Variants in CDC42BPA observed in about 807,000 individuals in gnomAD.
The protein encoded by CDC42BPA is CDC42 binding protein kinase alpha.
In CDC42BPA, 80 loss-of-function variants were observed where a neutral mutation model predicts 223.5. The observed-to-expected ratio is 0.36, with a 90% CI of 0.30 to 0.43. CDC42BPA has a LOEUF of 0.43. CDC42BPA is among the 20% of genes least tolerant of loss of function. The pLI is 1.00. For synonymous variants in CDC42BPA, 694 were observed against 718.6 expected, an observed-to-expected ratio of 0.97 and a Z score of 0.55; for missense variants, 1,743 against 2,099.9, an observed-to-expected ratio of 0.83 and a Z score of 3.32.
chr1:227,088,966 T>C (rs944281826), intron 16 of CDC42BPA, among the ~76,000 whole-genome samples: 4 of 152,174 alleles, frequency 2.6e-5, no homozygotes, highest in African/African-American at 9.7e-5. Context: ...CGTCAAGCGA[T>C]CTGCCCGCCT....
chr1:226,994,692 G>A lies in CDC42BPA; in HGVS notation c.5133+131C>T. 2.0e-6 allele frequency: 2 copies of A among 979,304 alleles called. No homozygotes were observed. The highest frequency in any genetic ancestry group is 3.0e-6 in the Non-Finnish European group (2 of 662,954). 60.7% of individuals were successfully genotyped at this position (979,304 alleles called of 1,614,324 possible). On this transcript the variant is annotated intron_variant, in intron 36 of 36. Coordinates refer to ENST00000366766, the MANE Select transcript of CDC42BPA (RefSeq NM_001394014.1). This position sits in a 1 kb window ranked among gnomAD's most constrained non-coding sequence, Gnocchi z 4.0. The stretch of plus-strand genomic sequence containing the variant: ...GAGTGACTGGCCTAGCTGCCCGCTG[G>A]CCAAGAGTGAATGCTGGCCCCTGAC...
intron 1 of CDC42BPA, among the ~76,000 whole-genome samples, chr1:227,305,978 A>C (rs1041850604): frequency 6.6e-6 from 1 of 152,184 alleles, no homozygotes; most frequent in African/African-American, 2.4e-5. Context: ...AAAACTAAAT[A>C]AATAAATAAA....
intron 22 of CDC42BPA, among the ~76,000 whole-genome samples, chr1:227,051,235 T>C (rs937309903): frequency 2.6e-5 from 4 of 152,194 alleles, no homozygotes; most frequent in African/African-American, 9.6e-5. Context: ...ATCCTGATGC[T>C]GAATGAAGAA....
intron 21 of CDC42BPA, among the ~76,000 whole-genome samples, chr1:227,061,655 C>A (rs1213106552): frequency 1.3e-5 from 2 of 152,230 alleles, no homozygotes; most frequent in Non-Finnish European, 2.9e-5. Flanking sequence ...CTCTGCCATA[C>A]CATCACACTG....
Position 227,023,338 on chromosome 1 carries a change from AG to A in CDC42BPA, c.4539del (p.Leu1514Ter). On this transcript the variant is annotated frameshift_variant, in exon 32 of 37. Transcript: ENST00000366766. LOFTEE classifies it high-confidence loss of function. The part of the protein sequence containing the change: ...IQTLPLKKVR[P>X]LNNEGSLNLL... ...AGATTTAATGATCCTTCATTGTTTA[AG>A]GGTCGAACCTAAAATAAAAGACAAA... The A allele has an allele frequency of 6.5e-7, 1 of 1,529,920 alleles. No homozygotes were observed. The highest frequency in any genetic ancestry group is 8.9e-7 in the Non-Finnish European group (1 of 1,118,920). 94.8% of individuals were successfully genotyped at this position (1,529,920 alleles called of 1,614,324 possible).
At chr1:227,163,993 G>T (rs1664580207) in intron 5 of CDC42BPA, among the ~76,000 whole-genome samples, 1 of 152,086 alleles carries the variant, frequency 6.6e-6, no homozygotes, top group Middle Eastern at 3.4e-3. Context: ...TACCACATAC[G>T]TCATAAATTT....
chr1:227,198,271 T>G (rs994205021), intron 4 of CDC42BPA, among the ~76,000 whole-genome samples: 6 of 151,602 alleles, frequency 4.0e-5, no homozygotes, highest in Admixed American at 3.9e-4. Context: ...AGCAACAAAC[T>G]GAGACCCCAT....
At chr1:227,089,600 T>G (rs1473692105) in intron 16 of CDC42BPA, among the ~76,000 whole-genome samples, 1 of 151,444 alleles carries the variant, frequency 6.6e-6, no homozygotes, top group East Asian at 1.9e-4. Context: ...CTACCTATCT[T>G]TCAATTTAGC....
At chr1:227,036,813 G>A (rs1169364728) in intron 24 of CDC42BPA, among the ~76,000 whole-genome samples, 1 of 152,176 alleles carries the variant, frequency 6.6e-6, no homozygotes, top group Non-Finnish European at 1.5e-5. Context: ...AACAAAATAA[G>A]TATCCTATAC....
chr1:227,263,236 A>C (rs1290181271), intron 1 of CDC42BPA, among the ~76,000 whole-genome samples: 3 of 152,234 alleles, frequency 2.0e-5, no homozygotes, highest in African/African-American at 7.2e-5. Flanking sequence ...TGTCTCAAAC[A>C]AACAAACAAA....
intron 19 of CDC42BPA, among the ~76,000 whole-genome samples, chr1:227,072,519 A>G (rs1678604195): frequency 6.6e-6 from 1 of 152,024 alleles, no homozygotes. Flanking sequence ...AGTATTGACT[A>G]TGGCTGCTTT....
chr1:227,115,268 T>G (rs890902942), intron 12 of CDC42BPA, among the ~76,000 whole-genome samples: 1 of 152,050 alleles, frequency 6.6e-6, no homozygotes, highest in Non-Finnish European at 1.5e-5. Flanking sequence ...AGGCCATCTA[T>G]TATACTGGAT....
intron 16 of CDC42BPA, among the ~76,000 whole-genome samples, chr1:227,084,158 C>G (rs189768357): frequency 1.3e-5 from 2 of 152,156 alleles, no homozygotes; most frequent in African/African-American, 4.8e-5. Context: ...AGCTTTATAG[C>G]TCTTCTTGGT....
chr1:227,142,441 T>C (rs1162999899), intron 9 of CDC42BPA, among the ~76,000 whole-genome samples: 1 of 152,204 alleles, frequency 6.6e-6, no homozygotes, highest in Non-Finnish European at 1.5e-5. Context: ...TGTTCCATTC[T>C]TTCCCCTCCA....
At chr1:227,038,386 T>C (rs1047366628) in intron 24 of CDC42BPA, among the ~76,000 whole-genome samples, 1 of 152,108 alleles carries the variant, frequency 6.6e-6, no homozygotes, top group Non-Finnish European at 1.5e-5. Context: ...AAGAGACAAA[T>C]ACAATGCCTT....
Position 226,994,455 on chromosome 1 carries a change from AG to A in CDC42BPA, c.5134-57del. On this transcript the variant is annotated intron_variant, in intron 36 of 36. Transcript: ENST00000366766. The surrounding 1 kb of genome is among the most constrained non-coding windows in gnomAD (Gnocchi z 4.0). ...AAGGAGGGGGAGAAAGGGAGGCAGA[AG>A]GGGCTCAGATTACCACCGCCCCCTC... The A allele has an allele frequency of 6.9e-7, 1 of 1,455,866 alleles. No individual in the cohort carries two copies. The highest frequency in any genetic ancestry group is 9.1e-7 in the Non-Finnish European group (1 of 1,099,308). 90.2% of individuals were successfully genotyped at this position (1,455,866 alleles called of 1,614,324 possible). A position where few individuals can be genotyped will look rare whatever the true frequency, so the allele number is the denominator to read the frequency against.
At chr1:227,248,673 A>G (rs897794898) in intron 2 of CDC42BPA, among the ~76,000 whole-genome samples, 2 of 152,090 alleles carry the variant, frequency 1.3e-5, no homozygotes, top group Non-Finnish European at 2.9e-5. Flanking sequence ...AAAATTCATC[A>G]AGTTATCTAT....
At position 227,261,275 on chromosome 1, in the gene CDC42BPA, C is replaced by T. The variant is rs542913681; in HGVS notation, c.179-7120G>A. 2.0e-5 allele frequency among the ~76,000 whole-genome samples: 3 copies of T among 150,382 alleles called. No individual in the cohort carries two copies. In the South Asian group the frequency reaches 6.2e-4, roughly 31 times the overall value. On this transcript the variant is annotated intron_variant, in intron 1 of 36. Transcript: ENST00000366766. ...TAATTACAGGTGCGTGCCACCATGC[C>T]CAGCTAATTTTTGTATTTTTAGTAG...
At chr1:227,312,143 A>T (rs1175288107) in intron 1 of CDC42BPA, among the ~76,000 whole-genome samples, 16 of 152,170 alleles carry the variant, frequency 1.1e-4, no homozygotes, top group Non-Finnish European at 2.4e-4. Flanking sequence ...TATATTTTCT[A>T]TTCTAGTCTT....
Sources: allele counts gnomAD v4.1 joint callset (sites outside exome capture counted in the v4.1 genomes callset), GRCh38; gene constraint gnomAD v4.1.1; non-coding constraint Gnocchi (gnomAD v3.1); transcripts MANE v1.5; gene names NCBI Gene and HGNC (gene_info 2026-07-23, HGNC 2026-07-21).